The following ZNF536 variants were observed in gnomAD, a reference collection of about 807,000 sequenced individuals.
ZNF536 encodes the protein zinc finger protein 536.
A neutral mutation model predicts 84.5 loss-of-function variants in ZNF536; 13 were observed. That is an observed-to-expected ratio of 0.15 (90% CI 0.10 to 0.24). The LOEUF (loss-of-function observed/expected upper bound fraction) is 0.24, where lower values mean the gene tolerates loss of function less well. Among genes scored for constraint, ZNF536 ranks in the 10% least tolerant of loss-of-function variants. ZNF536 has a pLI of 1.00. For missense variants in ZNF536, 1,536 were observed against 1,747.5 expected (o/e 0.88, Z 2.16); for synonymous variants, 811 against 742.5 (o/e 1.09, Z -1.50).
At chr19:30,230,692 C>T (rs960053248) in intron 1 of ZNF536, among the ~76,000 whole-genome samples, 3 of 152,186 alleles carry the variant, frequency 2.0e-5, no homozygotes, top group African/African-American at 7.2e-5. Flanking sequence ...GCCCACTGAA[C>T]CCCAAAGAGC....
intron 1 of ZNF536, among the ~76,000 whole-genome samples, chr19:30,581,185 A>G (rs1279076359): frequency 6.6e-6 from 1 of 152,232 alleles, no homozygotes; most frequent in Non-Finnish European, 1.5e-5. Context: ...TTTATGATGG[A>G]AAGTTAGAGT....
At chr19:30,351,832 G>A (rs972184845) in intron 2 of ZNF536, among the ~76,000 whole-genome samples, 1 of 152,182 alleles carries the variant, frequency 6.6e-6, no homozygotes, top group African/African-American at 2.4e-5. Flanking sequence ...TGGTAAGTTT[G>A]AACAAAAAAG....
At chr19:30,238,945 T>C (rs2023743044) in intron 1 of ZNF536, among the ~76,000 whole-genome samples, 1 of 152,138 alleles carries the variant, frequency 6.6e-6, no homozygotes, top group African/African-American at 2.4e-5. Context: ...GCATGAAGTA[T>C]AAAATTAATG....
At chr19:30,410,672 G>T (rs553103435) in intron 1 of ZNF536, among the ~76,000 whole-genome samples, 14 of 151,932 alleles carry the variant, frequency 9.2e-5, no homozygotes, top group Non-Finnish European at 1.6e-4. Context: ...TAGAGACGGG[G>T]TTTCACCGTG....
chr19:30,701,647 C>T (rs1235985917), intron 1 of ZNF536, among the ~76,000 whole-genome samples: 1 of 152,232 alleles, frequency 6.6e-6, no homozygotes, highest in Non-Finnish European at 1.5e-5. Context: ...AGAGGCCCCT[C>T]TTTGTAGAGA....
chr19:30,339,241 C>T (rs915370217), intron 2 of ZNF536, among the ~76,000 whole-genome samples: 3 of 152,008 alleles, frequency 2.0e-5, no homozygotes, highest in Non-Finnish European at 4.4e-5. Flanking sequence ...GCCTCGGAGT[C>T]CACAGGGCCC....
chr19:30,329,840 G>A (rs77807798), intron 2 of ZNF536, among the ~76,000 whole-genome samples: 1 of 152,224 alleles, frequency 6.6e-6, no homozygotes, highest in African/African-American at 2.4e-5. Context: ...TACACTTGGT[G>A]GGGGGATACT....
At chr19:30,295,477 A>G (rs997704173) in intron 2 of ZNF536, among the ~76,000 whole-genome samples, 6 of 152,206 alleles carry the variant, frequency 3.9e-5, no homozygotes, top group African/African-American at 9.7e-5. Flanking sequence ...ACATTTTCAG[A>G]TTCAGAAGGT....
chr19:30,370,415 G>T (rs903412778), upstream of ZNF536, among the ~76,000 whole-genome samples: 1 of 152,058 alleles, frequency 6.6e-6, no homozygotes, highest in Non-Finnish European at 1.5e-5. Flanking sequence ...GAACCAATGC[G>T]CCATAAACAT....
intron 2 of ZNF536, among the ~76,000 whole-genome samples, chr19:30,294,571 G>A (rs2045941447): frequency 6.6e-6 from 1 of 151,808 alleles, no homozygotes; most frequent in South Asian, 2.1e-4. Context: ...GTGTGTGTGT[G>A]TGTGTGTGTG....
chr19:30,321,549 C>T (rs2046855962), intron 2 of ZNF536, among the ~76,000 whole-genome samples: 1 of 152,140 alleles, frequency 6.6e-6, no homozygotes, highest in African/African-American at 2.4e-5. Context: ...CAGAGCGAGA[C>T]TCTGTCTTAA....
intron 1 of ZNF536, among the ~76,000 whole-genome samples, chr19:30,631,283 G>C (rs570006631): frequency 6.6e-6 from 1 of 152,298 alleles, no homozygotes; most frequent in South Asian, 2.1e-4. Context: ...CTTTTGTTAC[G>C]CAGCCAGGCT....
At chr19:30,432,156 T>C (rs2147990789) in intron 1 of ZNF536, among the ~76,000 whole-genome samples, 1 of 152,140 alleles carries the variant, frequency 6.6e-6, no homozygotes, top group East Asian at 1.9e-4. Flanking sequence ...CCTTCTCAAA[T>C]CATCCCATCT....
intron 1 of ZNF536, among the ~76,000 whole-genome samples, chr19:30,703,904 G>T (rs1402365963): frequency 6.6e-6 from 1 of 152,192 alleles, no homozygotes; most frequent in Non-Finnish European, 1.5e-5. Context: ...GGTTGCCCAA[G>T]GTCAGAGAGA....
intron 1 of ZNF536, among the ~76,000 whole-genome samples, chr19:30,254,504 T>C (rs2024801127): frequency 6.6e-6 from 1 of 151,600 alleles, no homozygotes. Flanking sequence ...ACAGTTGGCA[T>C]TGGGGTAGAG....
intron 1 of ZNF536, among the ~76,000 whole-genome samples, chr19:30,408,627 A>C (rs1035632791): frequency 6.6e-6 from 1 of 152,198 alleles, no homozygotes; most frequent in Non-Finnish European, 1.5e-5. Context: ...AAGGGTATCA[A>C]GGTGGTCACA....
chr19:30,466,583 A>G (rs547413595), intron 2 of ZNF536, among the ~76,000 whole-genome samples: 1 of 144,590 alleles, frequency 6.9e-6, no homozygotes, highest in South Asian at 2.4e-4. Flanking sequence ...AGAAAGAAAG[A>G]AAGAGAGAGA....
At chr19:30,562,263 C>A (rs1176668629), downstream of ZNF536, among the ~76,000 whole-genome samples, 1 of 152,038 alleles carries the variant, frequency 6.6e-6, no homozygotes, top group East Asian at 1.9e-4. Context: ...TCCTGGAGTC[C>A]CCATACCAGT....
intron 1 of ZNF536, among the ~76,000 whole-genome samples, chr19:30,606,189 T>C (rs2047863787): frequency 8.8e-6 from 1 of 113,948 alleles, no homozygotes; most frequent in African/African-American, 3.1e-5. Context: ...TAAAATAAAA[T>C]AAAATAATAA....
Sources: allele counts gnomAD v4.1 joint callset (sites outside exome capture counted in the v4.1 genomes callset), GRCh38; gene constraint gnomAD v4.1.1; transcripts MANE v1.5; gene names NCBI Gene and HGNC (gene_info 2026-07-23, HGNC 2026-07-21).